Variants in ZNF892 observed in about 807,000 individuals in gnomAD.
The protein encoded by ZNF892 is zinc finger protein 570-like.
chr2:95,220,993 CCATATGA>C, the ZNF892 span, among the ~76,000 whole-genome samples: 1 of 151,880 alleles, frequency 6.6e-6, no homozygotes, highest in Non-Finnish European at 1.5e-5. Flanking sequence ...CTTTAATTTG[CCATATGA>C]CATATGATAT....
chr2:95,220,348 C>CTTT, the ZNF892 span, among the ~76,000 whole-genome samples: 1 of 128,506 alleles, frequency 7.8e-6, no homozygotes, highest in Non-Finnish European at 1.7e-5. Flanking sequence ...TTTCTTGGGG[C>CTTT]TTTTTTTTTT....
the ZNF892 span, among the ~76,000 whole-genome samples, chr2:95,222,642 T>A: frequency 1.3e-5 from 2 of 152,236 alleles, no homozygotes; most frequent in South Asian, 4.1e-4. Context: ...AGTGTTCAAA[T>A]CTTTTGCCAT....
At chr2:95,221,334 T>G in the ZNF892 span, among the ~76,000 whole-genome samples, 1 of 152,344 alleles carries the variant, frequency 6.6e-6, no homozygotes, top group South Asian at 2.1e-4. Context: ...TGGGATCCTG[T>G]TAAAATCTGC....
chr2:95,209,689 G>A, the ZNF892 span, among the ~76,000 whole-genome samples: 4 of 152,156 alleles, frequency 2.6e-5, no homozygotes, highest in Non-Finnish European at 5.9e-5. Flanking sequence ...AAAGATGAGG[G>A]GAGAGAAAGT....
chr2:95,241,415 T>C, the ZNF892 span, among the ~76,000 whole-genome samples: 1 of 152,062 alleles, frequency 6.6e-6, no homozygotes, highest in Non-Finnish European at 1.5e-5. Context: ...ACTGGCCTGA[T>C]TATTAAAAGA....
At chr2:95,241,849 A>T in the ZNF892 span, among the ~76,000 whole-genome samples, 1 of 152,204 alleles carries the variant, frequency 6.6e-6, no homozygotes, top group African/African-American at 2.4e-5. Flanking sequence ...TTCACAATAC[A>T]GTTACAAGTA....
chr2:95,261,295 TC>T, the ZNF892 span, among the ~76,000 whole-genome samples: 2 of 151,444 alleles, frequency 1.3e-5, no homozygotes, highest in African/African-American at 4.9e-5. Context: ...CTTACACAAT[TC>T]TTTTTTTTTT....
At chr2:95,220,550 G>A in the ZNF892 span, among the ~76,000 whole-genome samples, 1 of 152,102 alleles carries the variant, frequency 6.6e-6, no homozygotes, top group Non-Finnish European at 1.5e-5. Flanking sequence ...TAATATCCCG[G>A]ATTTTTAGTT....
chr2:95,227,726 C>T, the ZNF892 span, among the ~76,000 whole-genome samples: 1 of 152,140 alleles, frequency 6.6e-6, no homozygotes, highest in Non-Finnish European at 1.5e-5. Flanking sequence ...AAGCAATTCT[C>T]CTGCCTCAGC....
At chr2:95,216,327 A>T in the ZNF892 span, among the ~76,000 whole-genome samples, 1 of 152,212 alleles carries the variant, frequency 6.6e-6, no homozygotes, top group African/African-American at 2.4e-5. Context: ...GACATTGCCT[A>T]CTAAATCATG....
the ZNF892 span, among the ~76,000 whole-genome samples, chr2:95,241,291 G>C: frequency 6.6e-6 from 1 of 152,216 alleles, no homozygotes; most frequent in African/African-American, 2.4e-5. Context: ...TAAAGAGCAG[G>C]CTGCCATCTT....
the ZNF892 span, among the ~76,000 whole-genome samples, chr2:95,247,226 TC>T: frequency 6.6e-6 from 1 of 152,154 alleles, no homozygotes; most frequent in Non-Finnish European, 1.5e-5. Context: ...CATCTGAGCT[TC>T]AACAAAGTTG....
At chr2:95,252,876 A>G in the ZNF892 span, among the ~76,000 whole-genome samples, 1 of 152,020 alleles carries the variant, frequency 6.6e-6, no homozygotes, top group South Asian at 2.1e-4. Flanking sequence ...TGGCTGTGTA[A>G]ATGTTTCCTT....
the ZNF892 span, among the ~76,000 whole-genome samples, chr2:95,234,969 C>T: frequency 6.6e-6 from 1 of 152,156 alleles, no homozygotes; most frequent in African/African-American, 2.4e-5. Context: ...AGTGAGTTCT[C>T]ACCTTGTGGT....
chr2:95,225,998 G>A, the ZNF892 span, among the ~76,000 whole-genome samples: 1 of 152,180 alleles, frequency 6.6e-6, no homozygotes, highest in Non-Finnish European at 1.5e-5. Context: ...TGTTCCTGCA[G>A]CTCTCCCAGG....
the ZNF892 span, among the ~76,000 whole-genome samples, chr2:95,235,670 T>G: frequency 6.6e-6 from 1 of 152,196 alleles, no homozygotes; most frequent in Non-Finnish European, 1.5e-5. Context: ...CCCAGTAAAC[T>G]TTCTCAGTGG....
chr2:95,213,743 G>C, the ZNF892 span, among the ~76,000 whole-genome samples: 13 of 152,282 alleles, frequency 8.5e-5, no homozygotes, highest in South Asian at 2.7e-3. Context: ...TTGAATGCTA[G>C]CTTCTAGAAT....
At chr2:95,221,276 C>T in the ZNF892 span, among the ~76,000 whole-genome samples, 2 of 152,182 alleles carry the variant, frequency 1.3e-5, no homozygotes, top group Non-Finnish European at 2.9e-5. Flanking sequence ...ATAAAAACAA[C>T]TGTGAATATA....
the ZNF892 span, among the ~76,000 whole-genome samples, chr2:95,234,808 T>C: frequency 6.6e-6 from 1 of 152,252 alleles, no homozygotes; most frequent in African/African-American, 2.4e-5. Flanking sequence ...TAAACAGAAG[T>C]GTTTCTCTGA....
Sources: gnomAD v4.1 joint callset for allele counts (sites outside exome capture counted in the v4.1 genomes callset) on GRCh38, gnomAD v4.1.1 for gene constraint, MANE v1.5 for transcripts, NCBI Gene and HGNC (gene_info 2026-07-23, HGNC 2026-07-21) for gene names.